Variants in OTUD7A observed in about 807,000 individuals in gnomAD.
OTUD7A encodes the protein OTU deubiquitinase 7A.
In OTUD7A, 12 loss-of-function variants were observed where a neutral mutation model predicts 65.7. The observed-to-expected ratio is 0.18, with a 90% CI of 0.12 to 0.30. The LOEUF is 0.30. OTUD7A is among the 10% of genes least tolerant of loss of function. The pLI is 1.00. For missense variants in OTUD7A, 1,148 were observed against 1,304.8 expected, an observed-to-expected ratio of 0.88 and a Z score of 1.85; for synonymous variants, 641 against 586.3, an observed-to-expected ratio of 1.09 and a Z score of -1.35.
At chr15:31,530,001 G>C (rs1054086022) in intron 6 of OTUD7A, among the ~76,000 whole-genome samples, 1 of 152,192 alleles carries the variant, frequency 6.6e-6, no homozygotes, top group Non-Finnish European at 1.5e-5. Context: ...GGATAACTGA[G>C]GTTCCAGAAA....
At chr15:31,517,452 G>A (rs1460786673) in intron 8 of OTUD7A, among the ~76,000 whole-genome samples, 2 of 152,332 alleles carry the variant, frequency 1.3e-5, no homozygotes, top group South Asian at 2.1e-4. Flanking sequence ...GAGCAAATGC[G>A]AGATCTGGGA....
At chr15:31,603,851 C>A (rs567077936) in intron 3 of OTUD7A, among the ~76,000 whole-genome samples, 1 of 152,320 alleles carries the variant, frequency 6.6e-6, no homozygotes, top group South Asian at 2.1e-4. Context: ...AAAAGCTCAT[C>A]ATCACTGCTC....
chr15:31,609,600 T>C (rs984873795), intron 3 of OTUD7A, among the ~76,000 whole-genome samples: 10 of 152,116 alleles, frequency 6.6e-5, no homozygotes, highest in African/African-American at 2.4e-5. Flanking sequence ...CAGACACGCC[T>C]AGCCCTGCCC....
chr15:31,848,587 C>T (rs1435361841), intron 1 of OTUD7A, among the ~76,000 whole-genome samples: 1 of 152,226 alleles, frequency 6.6e-6, no homozygotes, highest in Non-Finnish European at 1.5e-5. Flanking sequence ...CCGGCCTTCC[C>T]AAAGCCTTTC....
chr15:31,603,122 C>A (rs1414398109), intron 3 of OTUD7A, among the ~76,000 whole-genome samples: 1 of 152,130 alleles, frequency 6.6e-6, no homozygotes, highest in Non-Finnish European at 1.5e-5. Context: ...CAAAAAAGAG[C>A]CCACATAGCC....
At chr15:31,713,913 A>G (rs1430550793) in intron 1 of OTUD7A, among the ~76,000 whole-genome samples, 2 of 144,584 alleles carry the variant, frequency 1.4e-5, no homozygotes, top group African/African-American at 5.0e-5. Flanking sequence ...GTCATCAGTG[A>G]AATTAAATGA....
chr15:31,806,910 G>C (rs1340978802), intron 1 of OTUD7A, among the ~76,000 whole-genome samples: 2 of 152,166 alleles, frequency 1.3e-5, no homozygotes, highest in Non-Finnish European at 2.9e-5. Flanking sequence ...CAGACACATA[G>C]TGCCCTGACA....
At chr15:31,756,678 ACACACACT>A (rs1478477392) in intron 1 of OTUD7A, among the ~76,000 whole-genome samples, 1 of 108,510 alleles carries the variant, frequency 9.2e-6, no homozygotes, top group African/African-American at 3.4e-5. Context: ...ACACACACAC[ACACACACT>A]GCTTTTAGTA....
At chr15:31,851,949 C>T (rs879814145) in intron 1 of OTUD7A, among the ~76,000 whole-genome samples, 1 of 152,212 alleles carries the variant, frequency 6.6e-6, no homozygotes, top group Non-Finnish European at 1.5e-5. Context: ...ACCTCCGCCT[C>T]CTAGGTTCAA....
intron 5 of OTUD7A, among the ~76,000 whole-genome samples, chr15:31,542,728 G>A (rs1888020622): frequency 6.6e-6 from 1 of 151,546 alleles, no homozygotes; most frequent in Non-Finnish European, 1.5e-5. Flanking sequence ...GAGAAAAGAT[G>A]TTAAAGCACC....
At chr15:31,615,746 T>C (rs529300043) in intron 3 of OTUD7A, among the ~76,000 whole-genome samples, 1 of 152,380 alleles carries the variant, frequency 6.6e-6, no homozygotes, top group East Asian at 1.9e-4. Flanking sequence ...CTCTCTTCTC[T>C]GACCAACTGG....
intron 3 of OTUD7A, among the ~76,000 whole-genome samples, chr15:31,621,424 G>C (rs1385810347): frequency 6.6e-6 from 1 of 152,126 alleles, no homozygotes; most frequent in African/African-American, 2.4e-5. Context: ...AGGTCTCTAA[G>C]GACTTGCTTT....
chr15:31,560,919 G>C (rs926863346), intron 4 of OTUD7A, among the ~76,000 whole-genome samples: 1 of 152,210 alleles, frequency 6.6e-6, no homozygotes, highest in Non-Finnish European at 1.5e-5. Flanking sequence ...ACTTGCAAGA[G>C]CACTGGACAG....
At chr15:31,517,082 G>A (rs2041869760) in intron 8 of OTUD7A, among the ~76,000 whole-genome samples, 1 of 152,190 alleles carries the variant, frequency 6.6e-6, no homozygotes, top group African/African-American at 2.4e-5. Context: ...CCATCTGCCA[G>A]TACAAACAAG....
intron 3 of OTUD7A, among the ~76,000 whole-genome samples, chr15:31,641,903 T>C (rs1302696639): frequency 1.3e-5 from 2 of 152,202 alleles, no homozygotes; most frequent in Non-Finnish European, 2.9e-5. Flanking sequence ...TGCTTTTTAA[T>C]TATAATTTAT....
intron 5 of OTUD7A, among the ~76,000 whole-genome samples, chr15:31,540,660 GA>G (rs896323903): frequency 7.2e-5 from 11 of 152,260 alleles, no homozygotes; most frequent in African/African-American, 2.6e-4. Flanking sequence ...GTGGCATATA[GA>G]AAGCCCCATA....
intron 1 of OTUD7A, among the ~76,000 whole-genome samples, chr15:31,776,852 T>C (rs571600167): frequency 1.4e-4 from 21 of 152,236 alleles, no homozygotes; most frequent in African/African-American, 4.1e-4. Context: ...TGCTATCTAA[T>C]AGGTTCCTAA....
intron 1 of OTUD7A, among the ~76,000 whole-genome samples, chr15:31,658,641 A>T (rs1008560416): frequency 3.3e-5 from 5 of 152,174 alleles, no homozygotes; most frequent in African/African-American, 1.2e-4. Flanking sequence ...GAAGACACTT[A>T]GTGGAGGAAG....
intron 5 of OTUD7A, among the ~76,000 whole-genome samples, chr15:31,536,558 A>C (rs946867064): frequency 6.6e-6 from 1 of 152,250 alleles, no homozygotes; most frequent in Non-Finnish European, 1.5e-5. Flanking sequence ...TATTAATAGG[A>C]TTTGAACAAC....
Sources: gnomAD v4.1 joint callset for allele counts (sites outside exome capture counted in the v4.1 genomes callset) on GRCh38, gnomAD v4.1.1 for gene constraint, MANE v1.5 for transcripts, NCBI Gene and HGNC (gene_info 2026-07-23, HGNC 2026-07-21) for gene names.